Variants in GHR observed in about 807,000 individuals in gnomAD.
The protein encoded by GHR is GH receptor.
Under a neutral mutation model 67.1 loss-of-function variants are expected in GHR, and 35 were observed. The ratio of observed to expected loss-of-function variants is 0.52; its 90% confidence interval spans 0.40 to 0.69. The LOEUF is 0.69. Among genes scored for constraint, GHR ranks in the 30% least tolerant of loss-of-function variants. The probability of loss-of-function intolerance (pLI) is 0.00; values close to 1 mark genes in which losing one functional copy is unlikely to be tolerated. For missense variants in GHR, 792 were observed against 764.6 expected, an observed-to-expected ratio of 1.04 and a Z score of -0.42; for synonymous variants, 272 against 269.1, an observed-to-expected ratio of 1.01 and a Z score of -0.10.
chr5:42,483,251 C>CA (rs1745733664), intron 1 of GHR, among the ~76,000 whole-genome samples: 1 of 152,094 alleles, frequency 6.6e-6, no homozygotes, highest in African/African-American at 2.4e-5. Flanking sequence ...GGGGTTTTGC[C>CA]ATGTTGCCCA....
chr5:42,453,885 C>T (rs1033606280), intron 1 of GHR, among the ~76,000 whole-genome samples: 7 of 152,170 alleles, frequency 4.6e-5, no homozygotes, highest in African/African-American at 1.7e-4. Flanking sequence ...GCAGACTTTC[C>T]CTACTGCACC....
intron 3 of GHR, among the ~76,000 whole-genome samples, chr5:42,643,371 G>T (rs1370269373): frequency 6.6e-6 from 1 of 152,150 alleles, no homozygotes; most frequent in Non-Finnish European, 1.5e-5. Flanking sequence ...CTTGACCAGG[G>T]AACTTCTTTT....
In GHR at chr5:42,612,330, G is replaced by A. The variant is rs540226767; in HGVS notation, c.71-16708G>A. Reference sequence around the variant, plus strand: ...AGGGAATTAGCTGTGGATAACTTTCGGATAGGATGTTATAAGTTTAGCATT... The same window carrying A: ...AGGGAATTAGCTGTGGATAACTTTCAGATAGGATGTTATAAGTTTAGCATT... On this transcript the variant is annotated intron_variant, in intron 2 of 9. Coordinates refer to ENST00000230882, the MANE Select transcript of GHR (RefSeq NM_000163.5). Among the ~76,000 whole-genome samples, 21 of 152,196 alleles carry A rather than the reference G, an allele frequency of 1.4e-4. 1 individual carries two copies. The highest frequency in any genetic ancestry group is 5.8e-4 in the East Asian group (3 of 5,184).
chr5:42,621,132 G>A lies in GHR; in HGVS notation c.71-7906G>A, dbSNP rs560116909. Among the ~76,000 whole-genome samples, 135 of 152,092 alleles carry A rather than the reference G, an allele frequency of 8.9e-4. 1 individual carries two copies. Among genetic ancestry groups the A allele is most frequent in the South Asian group, 1.5e-3 (7 of 4,808 alleles). On this transcript the variant is annotated intron_variant, in intron 2 of 9. Coordinates refer to ENST00000230882, the MANE Select transcript of GHR (RefSeq NM_000163.5). ...TGACACCTCTGCTGTTCTCCATAAC[G>A]AAAAGCAGCTTTTGGGGTGGCTAGC... is the stretch of plus-strand genomic sequence containing the variant.
intron 2 of GHR, among the ~76,000 whole-genome samples, chr5:42,591,340 C>T (rs1179800505): frequency 2.0e-5 from 3 of 152,218 alleles, no homozygotes; most frequent in South Asian, 2.1e-4. Context: ...ACAACTGGCT[C>T]TCGTGGATCT....
chr5:42,424,581 C>CAGTAG lies in GHR; in HGVS notation c.-12+629_-12+630insAGAGT. 6.5e-7 allele frequency: 1 copy of CAGTAG among 1,534,840 alleles called. No homozygotes were observed. Among genetic ancestry groups the CAGTAG allele is most frequent in the African/African-American group, 1.4e-5 (1 of 73,144 alleles). On this transcript the variant is annotated intron_variant, in intron 1 of 9. Transcript: ENST00000230882. The surrounding 1 kb of genome is among the most constrained non-coding windows in gnomAD (Gnocchi z 4.1). ...CTGGGGTCAGTAGAGTGACAGCCACCAGTCCGCATGAACTGGGGTAAGTGG... is the reference window on the plus strand; with the variant it reads ...CTGGGGTCAGTAGAGTGACAGCCACCAGTAGAGTCCGCATGAACTGGGGTAAGTGG...
chr5:42,539,926 C>A (rs948576810), intron 1 of GHR, among the ~76,000 whole-genome samples: 1 of 152,024 alleles, frequency 6.6e-6, no homozygotes, highest in East Asian at 1.9e-4. Flanking sequence ...ATATTAAGTA[C>A]GCTATTAAGT....
rs377190903 is a variant in GHR, at chr5:42,709,028, C to T, written c.619-2179C>T. Among the ~76,000 whole-genome samples, 140 of 152,216 alleles carry T rather than the reference C, an allele frequency of 9.2e-4. 1 individual carries two copies. The highest frequency in any genetic ancestry group is 3.1e-3 in the African/African-American group (130 of 41,542). Reference sequence around the variant, plus strand: ...AATATAATTGGTTATGAAGCACAGGCGTCATAAGCAGAAAACAGGTTTATA... The same window carrying T: ...AATATAATTGGTTATGAAGCACAGGTGTCATAAGCAGAAAACAGGTTTATA... On this transcript the variant is annotated intron_variant, in intron 6 of 9. Transcript: ENST00000230882.
intron 7 of GHR, 50 bp downstream of exon 7, chr5:42,711,422 A>G (rs370671885): frequency 1.6e-5 from 21 of 1,274,938 alleles, no homozygotes; most frequent in African/African-American, 4.4e-5. Context: ...TTTTGTCAAT[A>G]TAACAGTTGA....
intron 3 of GHR, among the ~76,000 whole-genome samples, chr5:42,662,956 A>T (rs1368748834): frequency 6.6e-6 from 1 of 152,234 alleles, no homozygotes; most frequent in African/African-American, 2.4e-5. Flanking sequence ...ATCAGAGAAT[A>T]CTACAAACAC....
chr5:42,482,529 C>T (rs892709865), intron 1 of GHR, among the ~76,000 whole-genome samples: 3 of 152,242 alleles, frequency 2.0e-5, no homozygotes, highest in African/African-American at 4.8e-5. Flanking sequence ...GTTGGCTCCA[C>T]CCAGTTCGAG....
chr5:42,492,772 A>C (rs1401805323), intron 1 of GHR, among the ~76,000 whole-genome samples: 2 of 152,184 alleles, frequency 1.3e-5, no homozygotes, highest in Non-Finnish European at 2.9e-5. Context: ...AGGTACTCTT[A>C]AGAGAAAGCT....
chr5:42,663,307 G>A (rs376879634), intron 3 of GHR, among the ~76,000 whole-genome samples: 7 of 152,076 alleles, frequency 4.6e-5, no homozygotes, highest in Admixed American at 3.9e-4. Flanking sequence ...AGAATTTTAG[G>A]CCAATATCCT....
At chr5:42,710,921 T>C (rs901689070) in intron 6 of GHR, among the ~76,000 whole-genome samples, 1 of 152,198 alleles carries the variant, frequency 6.6e-6, no homozygotes, top group African/African-American at 2.4e-5. Flanking sequence ...TACTTTAATC[T>C]TATTAACTAT....
At chr5:42,580,620 T>C (rs1489818782) in intron 2 of GHR, among the ~76,000 whole-genome samples, 2 of 152,206 alleles carry the variant, frequency 1.3e-5, no homozygotes, top group East Asian at 3.9e-4. Context: ...TGTTTACTGA[T>C]GAGGAAGCCG....
chr5:42,596,609 CAT>C (rs1174985196), intron 2 of GHR, among the ~76,000 whole-genome samples: 3 of 152,194 alleles, frequency 2.0e-5, no homozygotes, highest in African/African-American at 7.2e-5. Context: ...ATACAATAAA[CAT>C]ATGTTATGTT....
intron 2 of GHR, among the ~76,000 whole-genome samples, chr5:42,592,038 A>C (rs764036034): frequency 2.0e-5 from 3 of 152,092 alleles, no homozygotes; most frequent in African/African-American, 7.2e-5. Context: ...GAAAGCAAGC[A>C]GACTCAACAG....
chr5:42,426,743 A>G (rs1327022123), intron 1 of GHR, among the ~76,000 whole-genome samples: 2 of 152,236 alleles, frequency 1.3e-5, no homozygotes, highest in Non-Finnish European at 2.9e-5. Flanking sequence ...TAAACAAGAC[A>G]GTACAGAATG....
chr5:42,571,847 G>C lies in GHR; in HGVS notation c.70+5903G>C, dbSNP rs562916734. Among the ~76,000 whole-genome samples, 50 of 152,278 alleles carry C rather than the reference G, an allele frequency of 3.3e-4. 1 individual carries two copies. Among genetic ancestry groups the C allele is most frequent in the Admixed American group, 3.0e-3 (46 of 15,296 alleles). ...GTGGCTCTTGTTATGGGGTAGACAG[G>C]AATGAGGTTGACATAACGTATTTGG... On this transcript the variant is annotated intron_variant, in intron 2 of 9. Coordinates refer to ENST00000230882, the MANE Select transcript of GHR (RefSeq NM_000163.5).
Sources: allele counts gnomAD v4.1 joint callset (sites outside exome capture counted in the v4.1 genomes callset), GRCh38; gene constraint gnomAD v4.1.1; non-coding constraint Gnocchi (gnomAD v3.1); transcripts MANE v1.5; gene names NCBI Gene and HGNC (gene_info 2026-07-23, HGNC 2026-07-21).